The following GAREM1 variants were observed in gnomAD, a reference collection of about 807,000 sequenced individuals.
GAREM1 encodes GRB2 associated regulator of MAPK1 subtype 1.
Under a neutral mutation model 71.3 loss-of-function variants are expected in GAREM1, and 26 were observed. The ratio of observed to expected loss-of-function variants is 0.36; its 90% CI spans 0.27 to 0.51. The LOEUF (loss-of-function observed/expected upper bound fraction) is 0.51. Among genes scored for constraint, GAREM1 ranks in the 20% least tolerant of loss-of-function variants. The probability of loss-of-function intolerance (pLI) is 0.95; values close to 1 mark genes in which losing one functional copy is unlikely to be tolerated. For missense variants in GAREM1, 1,026 were observed against 1,103.1 expected (o/e 0.93, Z 0.99); for synonymous variants, 440 against 433.2 (o/e 1.02, Z -0.20).
chr18:32,266,597 GGTAATAAT>G lies in GAREM1; in HGVS notation c.*1266_*1273del, dbSNP rs1377894869. 3.9e-5 allele frequency: 6 copies of G among 152,092 alleles called. No homozygotes were observed. Among genetic ancestry groups the G allele is most frequent in the African/African-American group, 1.4e-4 (6 of 41,398 alleles). 9.4% of individuals were successfully genotyped at this position (152,092 alleles called of 1,614,324 possible). ...AATTCTCAGACTAATGTAAAAGTAT[GGTAATAAT>G]GTATTTTCTTTGAAAGAGAGGGAAG... On this transcript the variant is annotated 3_prime_UTR_variant, in exon 6 of 6. Coordinates refer to ENST00000269209, the MANE Select transcript of GAREM1 (RefSeq NM_001242409.2).
chr18:32,277,495 G>C (rs970418033), intron 4 of GAREM1, among the ~76,000 whole-genome samples: 1 of 152,188 alleles, frequency 6.6e-6, no homozygotes, highest in African/African-American at 2.4e-5. Flanking sequence ...TGAAAGCAAA[G>C]ATGAAACACA....
At chr18:32,347,744 A>G (rs1194217050) in intron 2 of GAREM1, among the ~76,000 whole-genome samples, 1 of 152,246 alleles carries the variant, frequency 6.6e-6, no homozygotes, top group Non-Finnish European at 1.5e-5. Flanking sequence ...TGGGACAAAT[A>G]GTATATCAGA....
At chr18:32,290,560 G>A (rs546448510) in intron 3 of GAREM1, among the ~76,000 whole-genome samples, 4 of 150,222 alleles carry the variant, frequency 2.7e-5, no homozygotes, top group Admixed American at 6.7e-5. Context: ...CAGGAGAATC[G>A]CTTGAACCCG....
Position 32,470,290 on chromosome 18 carries a change from G to C in GAREM1, c.121+18C>G. On this transcript the variant is annotated intron_variant, in intron 1 of 5. Transcript: ENST00000269209. The surrounding 1 kb of genome is among the most constrained non-coding windows in gnomAD (Gnocchi z 4.4). ...GGCTGTCCTCGCCCGTCTGCCCCGC[G>C]CCCCAGCTGGGACTCACCGTTGTCC... 1 of 1,498,284 alleles carries C rather than the reference G, an allele frequency of 6.7e-7. No individual in the cohort carries two copies. The highest frequency in any genetic ancestry group is 8.9e-7 in the Non-Finnish European group (1 of 1,121,480). The allele number at this position is 1,498,284 out of a possible 1,614,324, so 92.8% of individuals were successfully genotyped here.
At chr18:32,286,459 C>T (rs904367524) in intron 4 of GAREM1, among the ~76,000 whole-genome samples, 2 of 151,988 alleles carry the variant, frequency 1.3e-5, no homozygotes, top group South Asian at 4.2e-4. Context: ...TTTTCCTCTG[C>T]TTCCCCTCCC....
At chr18:32,370,243 C>T (rs1284060743) in intron 2 of GAREM1, among the ~76,000 whole-genome samples, 2 of 152,026 alleles carry the variant, frequency 1.3e-5, no homozygotes, top group Non-Finnish European at 2.9e-5. Flanking sequence ...TCCTGGCCAA[C>T]ATAGTGAAAC....
chr18:32,430,180 G>A (rs1026101892), intron 1 of GAREM1, among the ~76,000 whole-genome samples: 1 of 152,152 alleles, frequency 6.6e-6, no homozygotes, highest in African/African-American at 2.4e-5. Flanking sequence ...ACAAAATCAT[G>A]GCAGAGAATG....
chr18:32,323,837 A>G (rs2144543791), intron 2 of GAREM1, among the ~76,000 whole-genome samples: 1 of 152,334 alleles, frequency 6.6e-6, no homozygotes, highest in Non-Finnish European at 1.5e-5. Flanking sequence ...AGCAGCAAAA[A>G]TTAAACTTTA....
intron 4 of GAREM1, among the ~76,000 whole-genome samples, chr18:32,279,170 TATA>T (rs1252489832): frequency 6.6e-6 from 1 of 152,260 alleles, no homozygotes; most frequent in Non-Finnish European, 1.5e-5. Flanking sequence ...AATGTGATTT[TATA>T]CAAATGGTAT....
chr18:32,376,116 T>C (rs531674425), intron 2 of GAREM1, among the ~76,000 whole-genome samples: 1 of 152,162 alleles, frequency 6.6e-6, no homozygotes, highest in Non-Finnish European at 1.5e-5. Context: ...ATTGATAAAA[T>C]CCTCCATGTA....
At chr18:32,450,449 A>G (rs17744164) in intron 1 of GAREM1, among the ~76,000 whole-genome samples, 22,250 of 152,200 alleles carry the variant, frequency 0.15, 1,964 homozygotes, top group East Asian at 0.4. Context: ...TAGGGGTTGC[A>G]ACATGTGTAA....
At chr18:32,439,863 T>C (rs1323656667) in intron 1 of GAREM1, among the ~76,000 whole-genome samples, 3 of 152,148 alleles carry the variant, frequency 2.0e-5, no homozygotes, top group Non-Finnish European at 4.4e-5. Context: ...AAATGACCTT[T>C]ATTTACACTC....
chr18:32,287,663 G>A lies in GAREM1; in HGVS notation c.934C>T (p.Leu312=). The A allele has an allele frequency of 6.2e-7, 1 of 1,614,170 alleles. No individual in the cohort carries two copies. The highest frequency in any genetic ancestry group is 2.2e-5 in the East Asian group (1 of 44,878). ...TVPKFSLPEH[L]VKGESWPETL... ...TCGGGCCAGCTCTCTCCCTTCACCA[G>A]GTGTTCTGGGAGGCTGAACTTGGGG... Residue 312 remains leucine, a synonymous_variant, in exon 4 of 6, where the codon CTG becomes TTG. Transcript: ENST00000269209. The surrounding 1 kb of genome is among the most constrained non-coding windows in gnomAD (Gnocchi z 5.9).
chr18:32,406,102 A>G (rs2048362951), intron 1 of GAREM1, among the ~76,000 whole-genome samples: 1 of 152,236 alleles, frequency 6.6e-6, no homozygotes, highest in Admixed American at 6.5e-5. Context: ...TTAGGCTAAA[A>G]AACTCCATTC....
chr18:32,267,847 C>A lies in GAREM1; in HGVS notation c.*24G>T. 6.3e-7 allele frequency: 1 copy of A among 1,588,406 alleles called. No homozygotes were observed. The highest frequency in any genetic ancestry group is 1.2e-5 in the South Asian group (1 of 86,228). On this transcript the variant is annotated 3_prime_UTR_variant, in exon 6 of 6. Transcript: ENST00000269209. ...AGCACACGCATTGATCAGTTTTGTT[C>A]CATGCTGGCCGGGGGTTATTTGGCT...
intron 2 of GAREM1, among the ~76,000 whole-genome samples, chr18:32,314,303 T>C (rs34236231): frequency 6.6e-6 from 1 of 152,288 alleles, no homozygotes; most frequent in South Asian, 2.1e-4. Flanking sequence ...CATTTCATAA[T>C]GGATTTAACT....
intron 1 of GAREM1, among the ~76,000 whole-genome samples, chr18:32,419,998 A>G (rs539217533): frequency 6.6e-6 from 1 of 152,338 alleles, no homozygotes; most frequent in South Asian, 2.1e-4. Flanking sequence ...AGCCTGCTTC[A>G]TTTACAGTGC....
intron 2 of GAREM1, among the ~76,000 whole-genome samples, chr18:32,324,150 C>A (rs2047454085): frequency 6.6e-6 from 1 of 152,180 alleles, no homozygotes; most frequent in Non-Finnish European, 1.5e-5. Context: ...AAAGTGAAGG[C>A]AAGCTGTGTA....
At chr18:32,278,554 C>T (rs1174842354) in intron 4 of GAREM1, among the ~76,000 whole-genome samples, 1 of 152,130 alleles carries the variant, frequency 6.6e-6, no homozygotes, top group Non-Finnish European at 1.5e-5. Context: ...TGTCAGCAAC[C>T]CAAAGAAAGG....
Sources: gnomAD v4.1 joint callset for allele counts (sites outside exome capture counted in the v4.1 genomes callset) on GRCh38, gnomAD v4.1.1 for gene constraint, Gnocchi (gnomAD v3.1) non-coding constraint, MANE v1.5 for transcripts, NCBI Gene and HGNC (gene_info 2026-07-23, HGNC 2026-07-21) for gene names.